TECRL: variants seen among roughly 807,000 people sequenced by gnomAD.
TECRL encodes trans-2,3-enoyl-CoA reductase-like.
A neutral mutation model predicts 52.8 loss-of-function variants in TECRL; 63 were observed. The ratio of observed to expected loss-of-function variants is 1.19; its 90% CI spans 0.97 to 1.47. TECRL has a LOEUF of 1.47. Ranked by LOEUF, TECRL falls within the 40% of genes most tolerant of loss-of-function variation. The pLI is 0.00. For missense variants in TECRL, 482 were observed against 429.6 expected (o/e 1.12, Z -1.08); for synonymous variants, 164 against 141.9 (o/e 1.16, Z -1.10).
intron 2 of TECRL, among the ~76,000 whole-genome samples, chr4:64,353,535 G>C (rs1720546920): frequency 6.6e-6 from 1 of 152,146 alleles, no homozygotes; most frequent in Non-Finnish European, 1.5e-5. Flanking sequence ...AGACAGTGGT[G>C]TTTATAATGA....
intron 1 of TECRL, among the ~76,000 whole-genome samples, 156 bp from the exon 2 acceptor site, chr4:64,375,379 A>C (rs909808452): frequency 1.3e-5 from 2 of 151,930 alleles, no homozygotes; most frequent in Non-Finnish European, 2.9e-5. Context: ...GACAAGCTTG[A>C]AATGTTGCAA....
intron 1 of TECRL, among the ~76,000 whole-genome samples, chr4:64,377,757 T>A (rs1722502950): frequency 6.6e-6 from 1 of 152,140 alleles, no homozygotes; most frequent in African/African-American, 2.4e-5. Flanking sequence ...AAGCATTTAA[T>A]CTGGAATTTG....
chr4:64,344,049 T>G, intron 2 of TECRL, among the ~76,000 whole-genome samples: 1 of 151,984 alleles, frequency 6.6e-6, no homozygotes, highest in Admixed American at 6.6e-5. Flanking sequence ...GTGAAATGTA[T>G]AAGTGAATCC....
intron 4 of TECRL, among the ~76,000 whole-genome samples, chr4:64,318,755 T>A (rs773399390): frequency 7.2e-5 from 11 of 152,138 alleles, no homozygotes; most frequent in Non-Finnish European, 1.0e-4. Context: ...AATAAGGACA[T>A]GTTAAGATAA....
At chr4:64,404,074 T>A (rs995574805) in intron 1 of TECRL, among the ~76,000 whole-genome samples, 6 of 152,136 alleles carry the variant, frequency 3.9e-5, no homozygotes, top group Non-Finnish European at 7.4e-5. Context: ...TACAAAGGTA[T>A]AATTTGTATG....
At chr4:64,364,001 C>T (rs978991482) in intron 2 of TECRL, among the ~76,000 whole-genome samples, 10 of 152,008 alleles carry the variant, frequency 6.6e-5, no homozygotes, top group African/African-American at 1.7e-4. Flanking sequence ...AGATCAACCA[C>T]GTACTTGGCC....
At chr4:64,342,937 A>G (rs982946900) in intron 2 of TECRL, among the ~76,000 whole-genome samples, 4 of 152,198 alleles carry the variant, frequency 2.6e-5, no homozygotes, top group African/African-American at 7.2e-5. Flanking sequence ...TTATAAAAAC[A>G]TAAAGTTAGG....
chr4:64,389,692 TGTA>T (rs913209773), intron 1 of TECRL, among the ~76,000 whole-genome samples: 3 of 151,926 alleles, frequency 2.0e-5, no homozygotes, highest in Non-Finnish European at 4.4e-5. Context: ...TCCTTAAATA[TGTA>T]GTAGAATTCA....
At chr4:64,371,161 G>T (rs1721947868) in intron 2 of TECRL, among the ~76,000 whole-genome samples, 1 of 151,352 alleles carries the variant, frequency 6.6e-6, no homozygotes, top group African/African-American at 2.4e-5. Flanking sequence ...ATCTTATCTT[G>T]TGAAAACAAA....
At chr4:64,395,368 T>C (rs1389650773) in intron 1 of TECRL, among the ~76,000 whole-genome samples, 1 of 152,192 alleles carries the variant, frequency 6.6e-6, no homozygotes, top group Non-Finnish European at 1.5e-5. Context: ...TAAATGCTAA[T>C]TTTATGAGGA....
At chr4:64,286,189 A>G (rs1318434068) in intron 9 of TECRL, among the ~76,000 whole-genome samples, 2 of 152,032 alleles carry the variant, frequency 1.3e-5, no homozygotes, top group African/African-American at 4.8e-5. Context: ...TTACCAAAGA[A>G]TGTATCCTTA....
chr4:64,376,110 A>T (rs1722381125), intron 1 of TECRL, among the ~76,000 whole-genome samples: 1 of 151,950 alleles, frequency 6.6e-6, no homozygotes, highest in African/African-American at 2.4e-5. Context: ...ATGTTGGTGC[A>T]TAATAGTCCA....
intron 5 of TECRL, among the ~76,000 whole-genome samples, chr4:64,312,466 G>A (rs1717103523): frequency 6.6e-6 from 1 of 152,258 alleles, no homozygotes; most frequent in East Asian, 1.9e-4. Flanking sequence ...CTGTATTTCT[G>A]TTTAAGAATA....
chr4:64,382,528 C>T (rs1447952412), intron 1 of TECRL, among the ~76,000 whole-genome samples: 1 of 151,186 alleles, frequency 6.6e-6, no homozygotes, highest in Non-Finnish European at 1.5e-5. Flanking sequence ...CTTAGCTAAT[C>T]CTGTCTTCTT....
chr4:64,341,541 G>A (rs1719568605), intron 2 of TECRL, among the ~76,000 whole-genome samples: 2 of 152,052 alleles, frequency 1.3e-5, no homozygotes, highest in Non-Finnish European at 2.9e-5. Flanking sequence ...TGGAGGTGAG[G>A]TTTCAGTGAG....
intron 2 of TECRL, among the ~76,000 whole-genome samples, chr4:64,368,374 C>T (rs887367962): frequency 6.6e-6 from 1 of 152,130 alleles, no homozygotes; most frequent in Non-Finnish European, 1.5e-5. Context: ...TGGCTCACTG[C>T]AACCTCTGCC....
At chr4:64,384,884 C>T (rs560401816) in intron 1 of TECRL, among the ~76,000 whole-genome samples, 1 of 152,290 alleles carries the variant, frequency 6.6e-6, no homozygotes, top group East Asian at 1.9e-4. Context: ...GTGGGCCTGT[C>T]TTCAGTTCTC....
In TECRL at chr4:64,328,094, A is replaced by T. The variant is rs191934209; in HGVS notation, c.331+418T>A. ...AAATTTGAGGTTTAATAGTGGGCAT[A>T]ATGCTTCTTCTCCAAATTCATTAGT... On this transcript the variant is annotated intron_variant, in intron 3 of 11. Coordinates refer to ENST00000381210, the MANE Select transcript of TECRL (RefSeq NM_001010874.5). 2.3e-3 allele frequency among the ~76,000 whole-genome samples: 347 copies of T among 152,128 alleles called. 1 individual carries two copies. The highest frequency in any genetic ancestry group is 3.5e-3 in the Non-Finnish European group (236 of 67,896).
At chr4:64,342,570 T>C (rs946548066) in intron 2 of TECRL, among the ~76,000 whole-genome samples, 1 of 152,094 alleles carries the variant, frequency 6.6e-6, no homozygotes, top group African/African-American at 2.4e-5. Context: ...CCAAAGTCTG[T>C]CCACATTCAC....
Sources: allele counts gnomAD v4.1 joint callset (sites outside exome capture counted in the v4.1 genomes callset), GRCh38; gene constraint gnomAD v4.1.1; transcripts MANE v1.5; gene names NCBI Gene and HGNC (gene_info 2026-07-23, HGNC 2026-07-21).